Variants in TAFA5 observed in about 807,000 individuals in gnomAD.
TAFA5 encodes the protein TAFA chemokine like family member 5.
TAFA5 carries 6 observed loss-of-function variants against 15.3 expected under a neutral mutation model. The ratio of observed to expected loss-of-function variants is 0.39; its 90% confidence interval spans 0.21 to 0.77. TAFA5 has a LOEUF of 0.77. TAFA5 is among the 30% of genes least tolerant of loss of function. The pLI, the probability that TAFA5 is intolerant of heterozygous loss-of-function variation, is 0.41. For synonymous variants in TAFA5, 103 were observed against 80.7 expected, an observed-to-expected ratio of 1.28 and a Z score of -1.48; for missense variants, 161 against 193.1, an observed-to-expected ratio of 0.83 and a Z score of 0.98.
At chr22:48,692,943 G>T (rs1056136688) in intron 2 of TAFA5, among the ~76,000 whole-genome samples, 1 of 152,224 alleles carries the variant, frequency 6.6e-6, no homozygotes, top group Non-Finnish European at 1.5e-5. Flanking sequence ...GGCAGGAAGG[G>T]CATCGGCGGC....
At chr22:48,625,463 C>T (rs1042986570) in intron 1 of TAFA5, among the ~76,000 whole-genome samples, 7 of 152,338 alleles carry the variant, frequency 4.6e-5, no homozygotes, top group Admixed American at 2.6e-4. Flanking sequence ...TTCAAGTATC[C>T]GCGTATAGCA....
chr22:48,621,603 A>G (rs1248677323), intron 1 of TAFA5, among the ~76,000 whole-genome samples: 4 of 152,188 alleles, frequency 2.6e-5, no homozygotes, highest in Non-Finnish European at 5.9e-5. Context: ...GGGTGAAAGC[A>G]GGGAAGAGCA....
At position 48,574,093 on chromosome 22, in the gene TAFA5, G is replaced by T. The variant is rs574626472; in HGVS notation, c.113-72504G>T. On this transcript the variant is annotated intron_variant, in intron 1 of 3. Coordinates refer to ENST00000402357, the MANE Select transcript of TAFA5 (RefSeq NM_001082967.3). ...TTAGATCTTTCCTAGAGAATGTCTA[G>T]GGGTGGAGAGCAGGAAACAGTGGGG... 7.2e-5 allele frequency among the ~76,000 whole-genome samples: 11 copies of T among 152,280 alleles called. No individual in the cohort carries two copies. In the East Asian group the frequency reaches 1.9e-3, roughly 27 times the overall value.
chr22:48,496,186 G>T (rs910744908), intron 1 of TAFA5, among the ~76,000 whole-genome samples: 3 of 152,224 alleles, frequency 2.0e-5, no homozygotes, highest in Non-Finnish European at 4.4e-5. Flanking sequence ...CGTGTGTGTT[G>T]TGGTGGCCAC....
At chr22:48,577,444 C>T (rs891669493) in intron 1 of TAFA5, among the ~76,000 whole-genome samples, 2 of 152,168 alleles carry the variant, frequency 1.3e-5, no homozygotes, top group Non-Finnish European at 2.9e-5. Context: ...GTTGGCCTCC[C>T]CCCGGGCACC....
chr22:48,525,401 C>T (rs1235055538), intron 1 of TAFA5, among the ~76,000 whole-genome samples: 1 of 152,296 alleles, frequency 6.6e-6, no homozygotes, highest in East Asian at 1.9e-4. Flanking sequence ...GTGCCCGCTG[C>T]CTGCTCCGCC....
At chr22:48,610,823 C>G (rs575237014) in intron 1 of TAFA5, among the ~76,000 whole-genome samples, 2 of 152,330 alleles carry the variant, frequency 1.3e-5, no homozygotes, top group East Asian at 3.9e-4. Context: ...GCAGCCCCTT[C>G]CCTTCGTCTG....
At chr22:48,611,649 G>T (rs1202228152) in intron 1 of TAFA5, among the ~76,000 whole-genome samples, 1 of 152,084 alleles carries the variant, frequency 6.6e-6, no homozygotes. Flanking sequence ...TGTTCTGATT[G>T]TGTCCACGTG....
chr22:48,634,101 C>G (rs772936023), intron 1 of TAFA5, among the ~76,000 whole-genome samples: 2 of 147,058 alleles, frequency 1.4e-5, no homozygotes, highest in Non-Finnish European at 3.0e-5. Context: ...CTGTCCCTTT[C>G]CTTGACGTTC....
intron 1 of TAFA5, chr22:48,544,455 T>A: frequency 2.9e-6 from 1 of 349,220 alleles, no homozygotes; most frequent in Non-Finnish European, 5.7e-6. Flanking sequence ...CGAGGTGACA[T>A]CTGACAAGGC....
rs144510470 is a variant in TAFA5 at position 48,688,642 on chromosome 22, G to A, written c.263-19075G>A. Reference sequence around the variant, plus strand: ...CATTTCTAAGTAAGCTCCTTGCTTAGCTGAAAGGAGAGTCTTGACTTCCCA... The same window carrying A: ...CATTTCTAAGTAAGCTCCTTGCTTAACTGAAAGGAGAGTCTTGACTTCCCA... On this transcript the variant is annotated intron_variant, in intron 2 of 3. Coordinates refer to ENST00000402357, the MANE Select transcript of TAFA5 (RefSeq NM_001082967.3). 1.6e-3 allele frequency among the ~76,000 whole-genome samples: 241 copies of A among 152,258 alleles called. 1 individual carries two copies. Among genetic ancestry groups the A allele is most frequent in the African/African-American group, 5.6e-3 (231 of 41,544 alleles).
At chr22:48,675,836 A>C (rs1038689392) in intron 2 of TAFA5, among the ~76,000 whole-genome samples, 2 of 152,214 alleles carry the variant, frequency 1.3e-5, no homozygotes, top group African/African-American at 2.4e-5. Context: ...TGCACACAGG[A>C]GTGCAGCCCT....
chr22:48,552,960 G>C lies in TAFA5; in HGVS notation c.112+63256G>C, dbSNP rs2007804. Among the ~76,000 whole-genome samples the C allele has an allele frequency of 3.4e-4, 52 of 151,834 alleles. No individual in the cohort carries two copies. Among genetic ancestry groups the C allele is most frequent in the African/African-American group, 1.0e-3 (42 of 41,424 alleles). ...CAGACCTGGGGCTGATCTGAGGGGG[G>C]CTCGTCCCCAACCACCTGGTCACAG... On this transcript the variant is annotated intron_variant, in intron 1 of 3. Transcript: ENST00000402357. The surrounding 1 kb of genome is among the most constrained non-coding windows in gnomAD (Gnocchi z 4.1).
chr22:48,576,554 C>A, intron 1 of TAFA5: 1 of 1,510,604 alleles, frequency 6.6e-7, no homozygotes. Flanking sequence ...GTGATCCACG[C>A]GCAGTTCCTC....
chr22:48,507,709 C>T lies in TAFA5; in HGVS notation c.112+18005C>T, dbSNP rs896842778. ...TTGTCCTAAGGTAGAAGAGGGAGAG[C>T]GGGCTGGAAACACTCCAGGTGGTCG... is the stretch of plus-strand genomic sequence containing the variant. On this transcript the variant is annotated intron_variant, in intron 1 of 3. Transcript: ENST00000402357. Among the ~76,000 whole-genome samples the T allele has an allele frequency of 5.9e-5, 9 of 152,212 alleles. No homozygotes were observed. In the South Asian group the frequency reaches 8.3e-4, roughly 14 times the overall value.
rs374585572 is a variant in TAFA5, at chr22:48,588,639, A to T, written c.113-57958A>T. ...TGGGCTATGGTCTCTTGCTGTGACA[A>T]CGGGGACCTGCGGGGATGGGGGCAC... On this transcript the variant is annotated intron_variant, in intron 1 of 3. Transcript: ENST00000402357. Among the ~76,000 whole-genome samples the T allele has an allele frequency of 2.6e-5, 4 of 152,196 alleles. No homozygotes were observed. In the East Asian group the frequency reaches 7.8e-4, roughly 30 times the overall value.
chr22:48,576,686 C>A (rs1601589743), intron 1 of TAFA5: 2 of 1,172,892 alleles, frequency 1.7e-6, no homozygotes, highest in Non-Finnish European at 2.1e-6. Flanking sequence ...GGCTGAGGCT[C>A]GTGGAGCGCC....
chr22:48,543,832 C>G (rs982269206), intron 1 of TAFA5: 1 of 152,394 alleles, frequency 6.6e-6, no homozygotes, highest in Non-Finnish European at 1.5e-5. Context: ...GGCGGGGCAT[C>G]CGGGCTTCCA....
chr22:48,719,583 CT>C (rs1330676848), intron 3 of TAFA5, among the ~76,000 whole-genome samples: 1 of 151,398 alleles, frequency 6.6e-6, no homozygotes, highest in African/African-American at 2.4e-5. Context: ...ACTGCCCCCC[CT>C]GCATTCTCTC....
Sources: allele counts gnomAD v4.1 joint callset (sites outside exome capture counted in the v4.1 genomes callset), GRCh38; gene constraint gnomAD v4.1.1; non-coding constraint Gnocchi (gnomAD v3.1); transcripts MANE v1.5; gene names NCBI Gene and HGNC (gene_info 2026-07-23, HGNC 2026-07-21).